Variants in PRKCB observed in about 807,000 individuals in gnomAD.
PRKCB encodes the protein protein kinase C beta type.
In PRKCB, 13 loss-of-function variants were observed where a neutral mutation model predicts 81.5. That is an observed-to-expected ratio of 0.16 (90% CI 0.10 to 0.25). PRKCB has a LOEUF of 0.25. Among genes scored for constraint, PRKCB ranks in the 10% least tolerant of loss-of-function variants. The pLI, the probability that PRKCB is intolerant of heterozygous loss-of-function variation, is 1.00. For missense variants in PRKCB, 509 were observed against 875.7 expected (o/e 0.58, Z 5.29); for synonymous variants, 335 against 321.4 (o/e 1.04, Z -0.45).
chr16:23,871,570 G>T (rs1194119268), intron 2 of PRKCB, among the ~76,000 whole-genome samples: 7 of 151,534 alleles, frequency 4.6e-5, no homozygotes, highest in African/African-American at 1.7e-4. Context: ...CCATCACCTT[G>T]TTTTTTTTAT....
chr16:23,993,537 G>T lies in PRKCB; in HGVS notation c.288+4947G>T, dbSNP rs528805859. ...CTGGGAAGGTCAGACATACCTTTAA[G>T]AAAGGTATGTCTCTGTCAATACTTT... On this transcript the variant is annotated intron_variant, in intron 3 of 16. Transcript: ENST00000643927. Among the ~76,000 whole-genome samples, 239 of 152,340 alleles carry T rather than the reference G, an allele frequency of 1.6e-3. 2 individuals are homozygous for T. Among genetic ancestry groups the T allele is most frequent in the Middle Eastern group, 3.4e-3 (1 of 294 alleles).
chr16:24,103,097 T>C (rs1349511656), intron 7 of PRKCB, among the ~76,000 whole-genome samples: 2 of 152,224 alleles, frequency 1.3e-5, no homozygotes, highest in African/African-American at 2.4e-5. Flanking sequence ...GGTCTCGAAC[T>C]CCTGACCTCA....
At chr16:24,002,546 G>A (rs1192979988) in intron 3 of PRKCB, among the ~76,000 whole-genome samples, 3 of 151,930 alleles carry the variant, frequency 2.0e-5, no homozygotes, top group Non-Finnish European at 4.4e-5. Context: ...CACCATGTTG[G>A]CCAGCTGGTT....
intron 2 of PRKCB, among the ~76,000 whole-genome samples, chr16:23,973,422 A>G (rs1479882111): frequency 1.3e-5 from 2 of 152,066 alleles, no homozygotes; most frequent in African/African-American, 4.8e-5. Flanking sequence ...ACCTCAGGTG[A>G]TTCACCTGCC....
At chr16:23,885,117 G>T (rs62028076) in intron 2 of PRKCB, among the ~76,000 whole-genome samples, 4,568 of 152,234 alleles carry the variant, frequency 0.03, 107 homozygotes, top group South Asian at 0.065. Context: ...GATACATGTT[G>T]TTTATTAGAG....
chr16:24,129,982 T>C (rs1405581755), intron 9 of PRKCB, among the ~76,000 whole-genome samples: 3 of 152,232 alleles, frequency 2.0e-5, no homozygotes, highest in Non-Finnish European at 4.4e-5. Flanking sequence ...CATTTGACTG[T>C]ATTTGCTTTA....
At chr16:23,972,975 T>C (rs1222707964) in intron 2 of PRKCB, among the ~76,000 whole-genome samples, 2 of 152,224 alleles carry the variant, frequency 1.3e-5, no homozygotes, top group Admixed American at 6.5e-5. Flanking sequence ...GGTTTAGTTT[T>C]TTCTTTTAGT....
intron 5 of PRKCB, among the ~76,000 whole-genome samples, chr16:24,072,494 C>A (rs1322242743): frequency 6.6e-6 from 1 of 152,174 alleles, no homozygotes; most frequent in Non-Finnish European, 1.5e-5. Context: ...AAGTGATCCT[C>A]CCACCTCAGC....
At chr16:24,029,697 T>C (rs765474345) in intron 3 of PRKCB, among the ~76,000 whole-genome samples, 1 of 152,204 alleles carries the variant, frequency 6.6e-6, no homozygotes, top group Admixed American at 6.5e-5. Flanking sequence ...CTATGTAGTA[T>C]GTCTGTTTAT....
intron 2 of PRKCB, among the ~76,000 whole-genome samples, chr16:23,934,520 G>T (rs1964030897): frequency 6.6e-6 from 1 of 152,112 alleles, no homozygotes; most frequent in Non-Finnish European, 1.5e-5. Context: ...TTAATAGGAA[G>T]ATATTCTTTA....
At chr16:23,909,637 A>G (rs1302198860) in intron 2 of PRKCB, among the ~76,000 whole-genome samples, 1 of 152,122 alleles carries the variant, frequency 6.6e-6, no homozygotes, top group Non-Finnish European at 1.5e-5. Flanking sequence ...CCAAGTCACT[A>G]TCATTCCACA....
At chr16:23,936,325 T>C (rs1964056953) in intron 2 of PRKCB, among the ~76,000 whole-genome samples, 1 of 152,132 alleles carries the variant, frequency 6.6e-6, no homozygotes, top group Non-Finnish European at 1.5e-5. Context: ...CTTTAGATAT[T>C]TGAATTACTT....
intron 9 of PRKCB, among the ~76,000 whole-genome samples, chr16:24,124,869 C>T (rs1402439469): frequency 2.6e-5 from 4 of 152,200 alleles, no homozygotes; most frequent in Non-Finnish European, 5.9e-5. Flanking sequence ...CCGCCCCCCA[C>T]AGCCATGTAC....
chr16:24,168,541 C>CTATTTTTTTT, intron 10 of PRKCB, among the ~76,000 whole-genome samples: 1 of 76,330 alleles, frequency 1.3e-5, no homozygotes, highest in Non-Finnish European at 3.0e-5. Context: ...TCTTCTTCTA[C>CTATTTTTTTT]TTTTTTTTTT....
intron 12 of PRKCB, among the ~76,000 whole-genome samples, chr16:24,175,831 G>A (rs529308802): frequency 6.6e-6 from 1 of 151,908 alleles, no homozygotes; most frequent in Non-Finnish European, 1.5e-5. Flanking sequence ...AATTAGCCAG[G>A]TGTGATGGTG....
intron 2 of PRKCB, among the ~76,000 whole-genome samples, chr16:23,888,505 T>C (rs1376795258): frequency 2.0e-5 from 3 of 152,200 alleles, no homozygotes; most frequent in Non-Finnish European, 4.4e-5. Flanking sequence ...GGAAGCTGAA[T>C]GCTGTTGGCA....
chr16:24,188,244 A>G (rs527735290), intron 15 of PRKCB, among the ~76,000 whole-genome samples: 2 of 152,304 alleles, frequency 1.3e-5, no homozygotes, highest in Admixed American at 6.5e-5. Context: ...GCTGAGTCCA[A>G]TGGGGCTCTT....
chr16:24,132,329 A>T (rs1216012351), intron 9 of PRKCB, among the ~76,000 whole-genome samples: 6 of 152,204 alleles, frequency 3.9e-5, no homozygotes, highest in African/African-American at 7.2e-5. Flanking sequence ...GAATCCATAC[A>T]TTATTCTGGG....
At chr16:23,987,356 A>C (rs898119668) in intron 2 of PRKCB, among the ~76,000 whole-genome samples, 1 of 127,544 alleles carries the variant, frequency 7.8e-6, no homozygotes, top group Admixed American at 9.8e-5. Context: ...AAGATACCAT[A>C]TTCTTTGCCT....
Sources: gnomAD v4.1 joint callset for allele counts (sites outside exome capture counted in the v4.1 genomes callset) on GRCh38, gnomAD v4.1.1 for gene constraint, MANE v1.5 for transcripts, NCBI Gene and HGNC (gene_info 2026-07-23, HGNC 2026-07-21) for gene names.